Variants in VAPA observed in about 807,000 individuals in gnomAD.
VAPA encodes the protein VAMP associated protein A.
VAPA carries 6 observed loss-of-function variants against 25.6 expected under a neutral mutation model. That is an observed-to-expected ratio of 0.23 (90% CI 0.13 to 0.46). The LOEUF (loss-of-function observed/expected upper bound fraction) is 0.46. Among genes scored for constraint, VAPA ranks in the 20% least tolerant of loss-of-function variants. The pLI, the probability that VAPA is intolerant of heterozygous loss-of-function variation, is 0.99. For missense variants in VAPA, 244 were observed against 302.1 expected, an observed-to-expected ratio of 0.81 and a Z score of 1.43; for synonymous variants, 112 against 106.2, an observed-to-expected ratio of 1.05 and a Z score of -0.34.
intron 1 of VAPA, among the ~76,000 whole-genome samples, chr18:9,920,141 A>G (rs911551424): frequency 6.6e-6 from 1 of 152,194 alleles, no homozygotes; most frequent in South Asian, 2.1e-4. Flanking sequence ...GAGGAGGAGG[A>G]CGTATGGTAG....
At position 9,957,251 on chromosome 18, in the gene VAPA, C is replaced by CA. The variant is rs1171335669; in HGVS notation, c.*3043dup. ...TTCACCATGTTGGTCAGGCTGGGCT[C>CA]AAACTCCTGAATCCGCCTGCCTCGG... On this transcript the variant is annotated 3_prime_UTR_variant, in exon 6 of 6. Transcript: ENST00000400000. The CA allele has an allele frequency of 1.3e-5, 2 of 152,068 alleles. No homozygotes were observed. The highest frequency in any genetic ancestry group is 2.9e-5 in the Non-Finnish European group (2 of 68,048). 9.4% of individuals were successfully genotyped at this position (152,068 alleles called of 1,614,324 possible).
At chr18:9,947,868 C>T (rs964537556) in intron 4 of VAPA, 1 of 152,124 alleles carries the variant, frequency 6.6e-6, no homozygotes, top group Non-Finnish European at 1.5e-5. Context: ...AAAGCCCACC[C>T]TCCCATCACA....
chr18:9,945,067 T>C (rs750313622), intron 4 of VAPA: 15 of 1,613,040 alleles, frequency 9.3e-6, no homozygotes, highest in East Asian at 2.2e-5. Flanking sequence ...AGGTTTGTTA[T>C]AGGGAGTTAA....
At chr18:9,928,054 T>C (rs965962953) in intron 1 of VAPA, among the ~76,000 whole-genome samples, 1 of 152,176 alleles carries the variant, frequency 6.6e-6, no homozygotes, top group Non-Finnish European at 1.5e-5. Flanking sequence ...ATCTCTAATA[T>C]AAGTTTCTAT....
intron 4 of VAPA, among the ~76,000 whole-genome samples, chr18:9,943,189 A>G (rs983288980): frequency 6.6e-6 from 1 of 152,126 alleles, no homozygotes; most frequent in African/African-American, 2.4e-5. Context: ...CCATGTTTTT[A>G]TTTTTATAGT....
intron 1 of VAPA, among the ~76,000 whole-genome samples, chr18:9,920,997 C>T (rs1397126276): frequency 6.6e-6 from 1 of 152,232 alleles, no homozygotes; most frequent in Non-Finnish European, 1.5e-5. Flanking sequence ...CCTGTAATAA[C>T]AGTACTTTCA....
At chr18:9,914,367 T>C in intron 1 of VAPA, 32 bp downstream of exon 1, 1 of 1,544,818 alleles carries the variant, frequency 6.5e-7, no homozygotes, top group South Asian at 1.2e-5. Context: ...CCGGGTGGGG[T>C]GGGGCGCGCG....
At chr18:9,916,510 C>A (rs1177884566) in intron 1 of VAPA, among the ~76,000 whole-genome samples, 1 of 152,168 alleles carries the variant, frequency 6.6e-6, no homozygotes, top group East Asian at 1.9e-4. Flanking sequence ...GAGAGAATGC[C>A]TGGTACTTAA....
At chr18:9,948,440 TG>T (rs2069449748) in intron 4 of VAPA, 1 of 152,214 alleles carries the variant, frequency 6.6e-6, no homozygotes, top group East Asian at 1.9e-4. Flanking sequence ...GACAAGATTG[TG>T]AGAAATGACT....
chr18:9,927,358 A>T (rs961419182), intron 1 of VAPA, among the ~76,000 whole-genome samples: 1 of 152,106 alleles, frequency 6.6e-6, no homozygotes, highest in Non-Finnish European at 1.5e-5. Flanking sequence ...CCTCCTCCAC[A>T]ATTGATTCTC....
rs1417070302 is a variant in VAPA at position 9,955,242 on chromosome 18, T to C, written c.*1031T>C. On this transcript the variant is annotated 3_prime_UTR_variant, in exon 6 of 6. Coordinates refer to ENST00000400000, the MANE Select transcript of VAPA (RefSeq NM_194434.3). ...ACTTTTCATAATATTTCATAATAGT[T>C]AAAAGTAGGTGTTTTTTTCGTGCTC... 1 of 152,196 alleles carries C rather than the reference T, an allele frequency of 6.6e-6. No individual in the cohort carries two copies. Among genetic ancestry groups the C allele is most frequent in the African/African-American group, 2.4e-5 (1 of 41,456 alleles). 9.4% of individuals were successfully genotyped at this position (152,196 alleles called of 1,614,324 possible).
At chr18:9,920,899 C>A (rs2061769029) in intron 1 of VAPA, among the ~76,000 whole-genome samples, 1 of 152,198 alleles carries the variant, frequency 6.6e-6, no homozygotes, top group Non-Finnish European at 1.5e-5. Context: ...CCTCTTATTT[C>A]AAGAATCACT....
At chr18:9,924,178 C>A (rs1164672961) in intron 1 of VAPA, among the ~76,000 whole-genome samples, 1 of 151,636 alleles carries the variant, frequency 6.6e-6, no homozygotes, top group Non-Finnish European at 1.5e-5. Flanking sequence ...AACTTTAGAT[C>A]TAAATAATAA....
In VAPA at chr18:9,916,668, T is replaced by G. The variant is rs565502363; in HGVS notation, c.79+2333T>G. On this transcript the variant is annotated intron_variant, in intron 1 of 5. Coordinates refer to ENST00000400000, the MANE Select transcript of VAPA (RefSeq NM_194434.3). ...TGATGGAAACCTTTGTGTATTTAAA[T>G]GCACAGTTCAACACTGAGGAGATTC... is the stretch of plus-strand genomic sequence containing the variant. 2.6e-5 allele frequency among the ~76,000 whole-genome samples: 4 copies of G among 152,350 alleles called. No homozygotes were observed. The South Asian group carries it at 8.3e-4, about 32-fold the overall frequency.
chr18:9,936,721 A>AAAAAAAG, intron 3 of VAPA: 2 of 390,970 alleles, frequency 5.1e-6, no homozygotes, highest in East Asian at 4.4e-5. Flanking sequence ...GACCAACTGG[A>AAAAAAAG]AAAAAAGAAA....
intron 2 of VAPA, among the ~76,000 whole-genome samples, chr18:9,932,621 G>C (rs1483273584): frequency 2.0e-5 from 3 of 152,188 alleles, no homozygotes; most frequent in African/African-American, 7.2e-5. Context: ...CTGAGAAATA[G>C]GAAATAGGAA....
chr18:9,933,150 C>G (rs749059647), intron 2 of VAPA, among the ~76,000 whole-genome samples: 2 of 151,444 alleles, frequency 1.3e-5, no homozygotes, highest in Non-Finnish European at 2.9e-5. Flanking sequence ...ATAAGTAATC[C>G]TAAGATATTA....
chr18:9,925,726 A>G (rs1179924566), intron 1 of VAPA, among the ~76,000 whole-genome samples: 2 of 152,094 alleles, frequency 1.3e-5, no homozygotes, highest in Non-Finnish European at 2.9e-5. Context: ...GCTTTCTTGG[A>G]TGTAAAAATG....
At chr18:9,945,106 G>T in intron 4 of VAPA, 1 of 1,597,920 alleles carries the variant, frequency 6.3e-7, no homozygotes, top group East Asian at 2.2e-5. Context: ...AGTGTCAATG[G>T]TTAAGTTAAT....
Sources: gnomAD v4.1 joint callset for allele counts (sites outside exome capture counted in the v4.1 genomes callset) on GRCh38, gnomAD v4.1.1 for gene constraint, MANE v1.5 for transcripts, NCBI Gene and HGNC (gene_info 2026-07-23, HGNC 2026-07-21) for gene names.